The following SMYD2 variants were observed in gnomAD, a reference collection of about 807,000 sequenced individuals.
The protein encoded by SMYD2 is SET and MYND domain containing 2, also known as N-lysine methyltransferase SMYD2.
A neutral mutation model predicts 59.1 loss-of-function variants in SMYD2; 53 were observed. That is an observed-to-expected ratio of 0.90 (90% CI 0.72 to 1.13). The LOEUF (loss-of-function observed/expected upper bound fraction) is 1.13, where lower values mean the gene tolerates loss of function less well. Ranked by LOEUF, SMYD2 falls within the 50% of genes most tolerant of loss-of-function variation. The pLI, the probability that SMYD2 is intolerant of heterozygous loss-of-function variation, is 0.00. For synonymous variants in SMYD2, 208 were observed against 198.8 expected (o/e 1.05, Z -0.39); for missense variants, 494 against 544.7 (o/e 0.91, Z 0.93).
intron 1 of SMYD2, among the ~76,000 whole-genome samples, chr1:214,297,855 A>C (rs952045443): frequency 2.6e-5 from 4 of 152,222 alleles, no homozygotes; most frequent in African/African-American, 9.6e-5. Context: ...AAGCTGGCCC[A>C]AGAAGACCTA....
chr1:214,297,718 G>A (rs1035094497), intron 1 of SMYD2, among the ~76,000 whole-genome samples: 14 of 152,100 alleles, frequency 9.2e-5, no homozygotes, highest in South Asian at 2.1e-4. Flanking sequence ...CTTCATCCCC[G>A]CCTCCACCCC....
In SMYD2 at chr1:214,336,931, G is replaced by A. The variant is rs113803011; in HGVS notation, c.*147G>A. On this transcript the variant is annotated 3_prime_UTR_variant, in exon 12 of 12. Coordinates refer to ENST00000366957, the MANE Select transcript of SMYD2 (RefSeq NM_020197.3). ...CTTGCACTTAAACACTGCACATGCC[G>A]TACTTTGAGGTTAGTCTGAATCTTG... 2.8e-3 allele frequency: 1,672 copies of A among 601,794 alleles called. 41 individuals carry two copies. In the South Asian group the frequency reaches 0.04, roughly 14 times the overall value. 37.3% of individuals were successfully genotyped at this position (601,794 alleles called of 1,614,324 possible). A position where few individuals can be genotyped will look rare whatever the true frequency, so the allele number is the denominator to read the frequency against.
At chr1:214,305,536 A>G (rs1013941853) in intron 2 of SMYD2, among the ~76,000 whole-genome samples, 12 of 152,360 alleles carry the variant, frequency 7.9e-5, no homozygotes, top group African/African-American at 2.9e-4. Flanking sequence ...ACAGACGGAA[A>G]ATGCAGAGTT....
rs200744692 is a variant in SMYD2, at chr1:214,314,817, A to G, written c.293A>G (p.Glu98Gly). 9.5e-5 allele frequency: 153 copies of G among 1,614,082 alleles called. No homozygotes were observed. Among genetic ancestry groups the G allele is most frequent in the Non-Finnish European group, 1.2e-4 (146 of 1,180,004 alleles). ...TGTTCTCCCATGGTTGTTTTTGGGG[A>G]AAACTGGAATCCCTCGGAGACTGTA... ...LECSPMVVFGENWNPSETVRL... is the reference protein window; with the variant it reads ...LECSPMVVFGGNWNPSETVRL... Residue 98 changes from glutamate to glycine, a missense_variant, in exon 3 of 12, where the codon GAA (glutamate) becomes GGA (glycine). Coordinates refer to ENST00000366957, the MANE Select transcript of SMYD2 (RefSeq NM_020197.3).
chr1:214,324,722 G>T lies in SMYD2; in HGVS notation c.602+14G>T. The T allele has an allele frequency of 6.2e-7, 1 of 1,603,062 alleles. No individual in the cohort carries two copies. The highest frequency in any genetic ancestry group is 8.5e-7 in the Non-Finnish European group (1 of 1,175,650). Reference sequence around the variant, plus strand: ...GATATTTCCTGAGTAGGCTGTGTTTGACTTCATTTCTTTCCTTTTTACTTA... The same window carrying T: ...GATATTTCCTGAGTAGGCTGTGTTTTACTTCATTTCTTTCCTTTTTACTTA... On this transcript the variant is annotated intron_variant, in intron 6 of 11. Coordinates refer to ENST00000366957, the MANE Select transcript of SMYD2 (RefSeq NM_020197.3).
Position 214,332,135 on chromosome 1 carries a change from A to G in SMYD2, c.1055A>G (p.Tyr352Cys), listed in dbSNP as rs1657365851. Reference sequence around the variant, plus strand: ...TACCAGGCCATGGGTGTCTGCTTGTACATGCAGGACTGGGAAGGAGCCCTG... The same window carrying G: ...TACCAGGCCATGGGTGTCTGCTTGTGCATGCAGGACTGGGAAGGAGCCCTG... Reference protein sequence around the residue: ...MMYQAMGVCLYMQDWEGALQY... With the variant: ...MMYQAMGVCLCMQDWEGALQY... Residue 352 changes from tyrosine to cysteine, a missense_variant, in exon 10 of 12, where the codon TAC becomes TGC. Tyr to Cys is a radical substitution (Grantham distance 194). Transcript: ENST00000366957. 6.2e-7 allele frequency: 1 copy of G among 1,614,122 alleles called. No homozygotes were observed. Among genetic ancestry groups the G allele is most frequent in the African/African-American group, 1.3e-5 (1 of 74,956 alleles).
At position 214,281,447 on chromosome 1, in the gene SMYD2, GGC is replaced by G. The variant is rs1656442933; in HGVS notation, c.173+22_173+23del. On this transcript the variant is annotated intron_variant, in intron 1 of 11. Coordinates refer to ENST00000366957, the MANE Select transcript of SMYD2 (RefSeq NM_020197.3). ...CACCAGGTAGGGCGGCGGCGGCGGC[GGC>G]GGCGGGCGGGAGCCGGGGGCGCCGA... The G allele has an allele frequency of 7.2e-7, 1 of 1,388,110 alleles. No individual in the cohort carries two copies. 86.0% of individuals were successfully genotyped at this position (1,388,110 alleles called of 1,614,324 possible).
rs149477897 is a variant in SMYD2 at position 214,286,655 on chromosome 1, G to T, written c.173+5228G>T. Among the ~76,000 whole-genome samples, 977 of 151,018 alleles carry T rather than the reference G, an allele frequency of 6.5e-3. 4 individuals carry two copies. Among genetic ancestry groups the T allele is most frequent in the Non-Finnish European group, 9.8e-3 (663 of 67,784 alleles). ...GTGTAGTATAGTCCCAACTACTTGG[G>T]AGGCTGAGGCAGGAGAATGGCTTGA... On this transcript the variant is annotated intron_variant, in intron 1 of 11. Transcript: ENST00000366957.
In SMYD2 at chr1:214,314,873, G is replaced by A. The variant is rs769192757; in HGVS notation, c.348+1G>A. 15 of 1,607,044 alleles carry A rather than the reference G, an allele frequency of 9.3e-6. No individual in the cohort carries two copies. Among genetic ancestry groups the A allele is most frequent in the African/African-American group, 4.0e-5 (3 of 74,762 alleles). The stretch of plus-strand genomic sequence containing the variant: ...AACAGCAAGGATTCTGGCCAAACAG[G>A]TGAGGAAATGGGACAATGTTCAAGT... On this transcript the variant is annotated splice_donor_variant, in intron 3 of 11. Transcript: ENST00000366957. LOFTEE classifies it high-confidence loss of function.
At chr1:214,299,334 A>T (rs1010501819) in intron 1 of SMYD2, among the ~76,000 whole-genome samples, 1 of 152,140 alleles carries the variant, frequency 6.6e-6, no homozygotes, top group Non-Finnish European at 1.5e-5. Context: ...CTGGGTATAT[A>T]CCCAAAGGAA....
At chr1:214,306,771 G>A (rs898673194) in intron 2 of SMYD2, among the ~76,000 whole-genome samples, 2 of 152,218 alleles carry the variant, frequency 1.3e-5, no homozygotes, top group African/African-American at 4.8e-5. Context: ...CTGTAGCAAA[G>A]CAAGCATAGG....
At chr1:214,284,043 A>G (rs1444311141) in intron 1 of SMYD2, among the ~76,000 whole-genome samples, 1 of 152,148 alleles carries the variant, frequency 6.6e-6, no homozygotes, top group Non-Finnish European at 1.5e-5. Context: ...GGGAATTTTT[A>G]ATTTGTATCA....
At chr1:214,325,949 G>A (rs982703952) in intron 6 of SMYD2, among the ~76,000 whole-genome samples, 6 of 151,734 alleles carry the variant, frequency 4.0e-5, no homozygotes, top group South Asian at 2.1e-4. Flanking sequence ...AGGTGCTGCC[G>A]GGCACGCCTT....
intron 1 of SMYD2, among the ~76,000 whole-genome samples, chr1:214,291,279 C>A (rs1001859515): frequency 6.6e-6 from 1 of 152,174 alleles, no homozygotes; most frequent in Admixed American, 6.5e-5. Context: ...GTATAAAAGG[C>A]AGGAAGATTT....
intron 1 of SMYD2, among the ~76,000 whole-genome samples, chr1:214,301,136 G>T (rs1264612090): frequency 6.6e-6 from 1 of 152,164 alleles, no homozygotes. Flanking sequence ...ATTTATAGAA[G>T]ACAACTGGAT....
chr1:214,310,160 CTT>C lies in SMYD2; in HGVS notation c.238-4599_238-4598del, dbSNP rs1273516521. Among the ~76,000 whole-genome samples, 3 of 152,252 alleles carry C rather than the reference CTT, an allele frequency of 2.0e-5. No homozygotes were observed. In the East Asian group the frequency reaches 5.8e-4, roughly 29 times the overall value. ...AAAACTGGATGCCATAATAATCACT[CTT>C]TTCTTCCAGTGCTGGAAATGCTGGT... is the stretch of plus-strand genomic sequence containing the variant. On this transcript the variant is annotated intron_variant, in intron 2 of 11. Transcript: ENST00000366957.
intron 3 of SMYD2, among the ~76,000 whole-genome samples, chr1:214,315,408 G>T (rs1657069116): frequency 6.6e-6 from 1 of 152,034 alleles, no homozygotes; most frequent in Non-Finnish European, 1.5e-5. Flanking sequence ...GCAAGGGAGA[G>T]GGGAAGAGAG....
At chr1:214,287,983 A>G (rs1656577959) in intron 1 of SMYD2, among the ~76,000 whole-genome samples, 1 of 152,140 alleles carries the variant, frequency 6.6e-6, no homozygotes, top group Non-Finnish European at 1.5e-5. Context: ...ATATGCGGGG[A>G]ACATAATTTC....
intron 7 of SMYD2, among the ~76,000 whole-genome samples, chr1:214,328,259 T>A (rs1657294468): frequency 6.6e-6 from 1 of 152,210 alleles, no homozygotes; most frequent in South Asian, 2.1e-4. Flanking sequence ...GTTCTATCAG[T>A]TCCACATCTG....
Sources: allele counts gnomAD v4.1 joint callset (sites outside exome capture counted in the v4.1 genomes callset), GRCh38; gene constraint gnomAD v4.1.1; transcripts MANE v1.5; gene names NCBI Gene and HGNC (gene_info 2026-07-23, HGNC 2026-07-21).